The following CADM2 variants were observed in gnomAD, a reference collection of about 807,000 sequenced individuals.
CADM2 encodes the protein immunoglobulin superfamily member 4D.
CADM2 carries 12 observed loss-of-function variants against 49.8 expected under a neutral mutation model. The observed-to-expected ratio is 0.24, with a 90% CI of 0.15 to 0.39. The LOEUF (loss-of-function observed/expected upper bound fraction) is 0.39, where lower values mean the gene tolerates loss of function less well. CADM2 is among the 10% of genes least tolerant of loss of function. The pLI, the probability that CADM2 is intolerant of heterozygous loss-of-function variation, is 1.00. For synonymous variants in CADM2, 214 were observed against 175.4 expected (o/e 1.22, Z -1.74); for missense variants, 378 against 492.3 (o/e 0.77, Z 2.20).
intron 1 of CADM2, among the ~76,000 whole-genome samples, chr3:85,158,082 A>T (rs1299198653): frequency 6.6e-6 from 1 of 152,262 alleles, no homozygotes; most frequent in Admixed American, 6.5e-5. Flanking sequence ...CAAAAAACAC[A>T]TGAAAAAATG....
At chr3:85,739,186 A>G (rs1203911329) in intron 2 of CADM2, among the ~76,000 whole-genome samples, 1 of 152,014 alleles carries the variant, frequency 6.6e-6, no homozygotes, top group Non-Finnish European at 1.5e-5. Context: ...TTAAACTTTC[A>G]CTTATACTGA....
intron 8 of CADM2, chr3:86,013,575 A>G: frequency 6.2e-7 from 1 of 1,601,784 alleles, no homozygotes; most frequent in Non-Finnish European, 8.5e-7. Flanking sequence ...TGAGAGCTGT[A>G]TTCGAGAAGA....
At chr3:85,528,143 G>T (rs374599266) in intron 1 of CADM2, among the ~76,000 whole-genome samples, 10 of 152,130 alleles carry the variant, frequency 6.6e-5, no homozygotes, top group East Asian at 5.8e-4. Context: ...GATCTCTCTT[G>T]CTGCTTCTTC....
intron 1 of CADM2, among the ~76,000 whole-genome samples, chr3:85,214,683 C>T (rs1156793806): frequency 6.6e-6 from 1 of 151,976 alleles, no homozygotes; most frequent in African/African-American, 2.4e-5. Context: ...ATGTCCTTCC[C>T]ACTCTTCCCT....
intron 8 of CADM2, among the ~76,000 whole-genome samples, chr3:86,054,207 T>C (rs924354939): frequency 4.6e-5 from 7 of 151,404 alleles, no homozygotes; most frequent in African/African-American, 1.5e-4. Flanking sequence ...TATAATGATA[T>C]ATGGAAAAGA....
At chr3:85,291,568 C>G (rs1032318272) in intron 1 of CADM2, among the ~76,000 whole-genome samples, 3 of 147,264 alleles carry the variant, frequency 2.0e-5, no homozygotes, top group South Asian at 2.1e-4. Flanking sequence ...AAGGGAAGCC[C>G]ATCAGACTAA....
intron 8 of CADM2, among the ~76,000 whole-genome samples, chr3:86,031,142 T>A (rs2107150101): frequency 6.6e-6 from 1 of 151,976 alleles, no homozygotes; most frequent in South Asian, 2.1e-4. Flanking sequence ...ATAAGTAATA[T>A]GAAATGTAGA....
chr3:85,534,341 C>A (rs2061381525), intron 1 of CADM2, among the ~76,000 whole-genome samples: 3 of 152,234 alleles, frequency 2.0e-5, no homozygotes, highest in Admixed American at 2.0e-4. Context: ...TAAAATAAAA[C>A]ATATTAAATA....
chr3:85,455,554 A>G (rs944596192), intron 1 of CADM2, among the ~76,000 whole-genome samples: 2 of 152,216 alleles, frequency 1.3e-5, no homozygotes, highest in African/African-American at 2.4e-5. Flanking sequence ...TGGGAAAAAT[A>G]TGCGAAGAAA....
chr3:85,492,579 C>A (rs2039719514), intron 1 of CADM2, among the ~76,000 whole-genome samples: 1 of 151,462 alleles, frequency 6.6e-6, no homozygotes. Context: ...CAGAGCGGGA[C>A]TCCATTTAAA....
chr3:85,754,257 T>G (rs1484186840), intron 2 of CADM2, among the ~76,000 whole-genome samples: 2 of 152,138 alleles, frequency 1.3e-5, no homozygotes, highest in African/African-American at 4.8e-5. Flanking sequence ...TTCAGGTGTT[T>G]CTATCTATTG....
Position 85,638,427 on chromosome 3 carries a change from A to C in CADM2, c.62-88095A>C, listed in dbSNP as rs567434831. On this transcript the variant is annotated intron_variant, in intron 1 of 9. Coordinates refer to ENST00000383699, the MANE Select transcript of CADM2 (RefSeq NM_001167675.2). ...GTGAAAATATTGAAAAAATATTTTC[A>C]AACATTGAACATTTGGTTATTTCCT... Among the ~76,000 whole-genome samples, 8 of 152,294 alleles carry C rather than the reference A, an allele frequency of 5.3e-5. No individual in the cohort carries two copies. In the East Asian group the frequency reaches 1.5e-3, roughly 29 times the overall value.
intron 1 of CADM2, among the ~76,000 whole-genome samples, chr3:85,405,879 T>TAACA (rs2035350003): frequency 6.6e-6 from 1 of 151,586 alleles, no homozygotes; most frequent in African/African-American, 2.4e-5. Flanking sequence ...TAATATATTC[T>TAACA]AACACCAGCC....
chr3:85,281,449 GA>G (rs1160559288), intron 1 of CADM2, among the ~76,000 whole-genome samples: 1 of 151,962 alleles, frequency 6.6e-6, no homozygotes, highest in Non-Finnish European at 1.5e-5. Context: ...TTTTTGAGTA[GA>G]ATATTATTTC....
At chr3:85,289,210 T>G (rs2043712573) in intron 1 of CADM2, among the ~76,000 whole-genome samples, 1 of 152,220 alleles carries the variant, frequency 6.6e-6, no homozygotes, top group African/African-American at 2.4e-5. Flanking sequence ...AATTATATCC[T>G]GACTTTCATT....
intron 5 of CADM2, among the ~76,000 whole-genome samples, chr3:85,894,472 T>C (rs1031072407): frequency 6.6e-6 from 1 of 152,034 alleles, no homozygotes; most frequent in Admixed American, 6.6e-5. Context: ...GTTGTGCACA[T>C]GTACCCTAAA....
At chr3:85,652,154 C>T (rs1401627804) in intron 1 of CADM2, among the ~76,000 whole-genome samples, 4 of 151,840 alleles carry the variant, frequency 2.6e-5, no homozygotes. Context: ...ATGTCAGTCT[C>T]GTTTACCCAA....
At chr3:84,974,237 A>G (rs2031663150) in intron 1 of CADM2, among the ~76,000 whole-genome samples, 1 of 151,510 alleles carries the variant, frequency 6.6e-6, no homozygotes. Flanking sequence ...TTATATGTAT[A>G]TATATATATA....
At chr3:85,067,952 T>C (rs1473885947) in intron 1 of CADM2, among the ~76,000 whole-genome samples, 2 of 152,182 alleles carry the variant, frequency 1.3e-5, no homozygotes, top group Non-Finnish European at 2.9e-5. Flanking sequence ...TCTTGAGAAT[T>C]GTGTGGGTTT....
Sources: gnomAD v4.1 joint callset for allele counts (sites outside exome capture counted in the v4.1 genomes callset) on GRCh38, gnomAD v4.1.1 for gene constraint, MANE v1.5 for transcripts, NCBI Gene and HGNC (gene_info 2026-07-23, HGNC 2026-07-21) for gene names.